LINGO2: variants seen among roughly 807,000 people sequenced by gnomAD.
The protein encoded by LINGO2 is leucine-rich repeat and immunoglobulin-like domain-containing nogo receptor-interacting protein 2.
A neutral mutation model predicts 30.6 loss-of-function variants in LINGO2; 14 were observed. That is an observed-to-expected ratio of 0.46 (90% CI 0.30 to 0.72). The LOEUF (loss-of-function observed/expected upper bound fraction) is 0.72, where lower values mean the gene tolerates loss of function less well. Among genes scored for constraint, LINGO2 ranks in the 30% least tolerant of loss-of-function variants. LINGO2 has a pLI of 0.07. For synonymous variants in LINGO2, 317 were observed against 288.5 expected (o/e 1.10, Z -1.00); for missense variants, 729 against 751.7 (o/e 0.97, Z 0.35).
chr9:28,988,904 A>G, the LINGO2 span, among the ~76,000 whole-genome samples: 2 of 152,026 alleles, frequency 1.3e-5, no homozygotes, highest in African/African-American at 4.8e-5. Flanking sequence ...AAGTATTGGG[A>G]TTTTCAAAAC....
chr9:28,953,561 C>A, the LINGO2 span, among the ~76,000 whole-genome samples: 1 of 151,978 alleles, frequency 6.6e-6, no homozygotes, highest in African/African-American at 2.4e-5. Flanking sequence ...GGGAGTGAGA[C>A]TGTTCTATAT....
intron 4 of LINGO2, among the ~76,000 whole-genome samples, chr9:28,224,251 A>G (rs1821068616): frequency 6.6e-6 from 1 of 152,134 alleles, no homozygotes; most frequent in South Asian, 2.1e-4. Flanking sequence ...TTTTTAGTAG[A>G]GACGGGGTTT....
the LINGO2 span, among the ~76,000 whole-genome samples, chr9:28,943,016 C>G: frequency 6.6e-6 from 1 of 152,112 alleles, no homozygotes; most frequent in Non-Finnish European, 1.5e-5. Flanking sequence ...CAGTGACAGA[C>G]AGAATGATAA....
chr9:29,112,953 A>C, the LINGO2 span, among the ~76,000 whole-genome samples: 2 of 152,208 alleles, frequency 1.3e-5, no homozygotes, highest in African/African-American at 4.8e-5. Context: ...ACTCTCATTA[A>C]GTGACTTGCC....
At chr9:28,795,987 C>CACAT in the LINGO2 span, among the ~76,000 whole-genome samples, 1 of 135,402 alleles carries the variant, frequency 7.4e-6, no homozygotes, top group Non-Finnish European at 1.6e-5. Flanking sequence ...ACTAGATACA[C>CACAT]ACACACACAC....
At position 28,558,463 on chromosome 9, in the gene LINGO2, C is replaced by G. The variant is rs188056747; in HGVS notation, c.-364-82438G>C. Among the ~76,000 whole-genome samples the G allele has an allele frequency of 3.9e-5, 6 of 152,118 alleles. 1 individual carries two copies. The East Asian group carries it at 1.2e-3, about 29-fold the overall frequency. Reference sequence around the variant, plus strand: ...ATCCTGTGTCCACGTGTCCTCCAGGCCAGAGAACCTGTTTTATCCTCTTTG... The same window carrying G: ...ATCCTGTGTCCACGTGTCCTCCAGGGCAGAGAACCTGTTTTATCCTCTTTG... On this transcript the variant is annotated intron_variant, in intron 1 of 5. Coordinates refer to ENST00000379992, the Ensembl canonical transcript of LINGO2.
intron 5 of LINGO2, among the ~76,000 whole-genome samples, chr9:27,981,258 T>A (rs1456051628): frequency 6.6e-6 from 1 of 151,680 alleles, no homozygotes; most frequent in Non-Finnish European, 1.5e-5. Context: ...TTTCCCATGT[T>A]TTATCTCACC....
At chr9:28,910,637 C>T in the LINGO2 span, among the ~76,000 whole-genome samples, 1 of 152,032 alleles carries the variant, frequency 6.6e-6, no homozygotes, top group African/African-American at 2.4e-5. Context: ...TGTCTCTCTT[C>T]TGCCAGCCAT....
At chr9:28,590,657 G>C (rs369376866) in intron 1 of LINGO2, among the ~76,000 whole-genome samples, 2 of 151,888 alleles carry the variant, frequency 1.3e-5, no homozygotes, top group Non-Finnish European at 2.9e-5. Flanking sequence ...GTCAGGAAAC[G>C]ACAGGTGCTG....
chr9:29,060,803 A>T, the LINGO2 span, among the ~76,000 whole-genome samples: 1 of 151,974 alleles, frequency 6.6e-6, no homozygotes, highest in African/African-American at 2.4e-5. Context: ...GAGATAAAAG[A>T]GTGAAGTTGA....
At chr9:28,208,946 C>A (rs766440716) in intron 4 of LINGO2, among the ~76,000 whole-genome samples, 9 of 151,994 alleles carry the variant, frequency 5.9e-5, no homozygotes, top group Non-Finnish European at 1.2e-4. Flanking sequence ...CTTATTAACT[C>A]TCTTCTTTGT....
rs1392348995 is a variant in LINGO2 at position 28,151,246 on chromosome 9, T to C, written c.-86-138841A>G. 1.2e-4 allele frequency among the ~76,000 whole-genome samples: 19 copies of C among 152,196 alleles called. No homozygotes were observed. The East Asian group carries it at 3.7e-3, about 29-fold the overall frequency. Reference sequence around the variant, plus strand: ...CATATTAGGAAATCAATAACTATAATTCATTATAGTAAGAGATTGATAGAA... The same window carrying C: ...CATATTAGGAAATCAATAACTATAACTCATTATAGTAAGAGATTGATAGAA... On this transcript the variant is annotated intron_variant, in intron 4 of 5. Coordinates refer to ENST00000379992, the Ensembl canonical transcript of LINGO2.
At chr9:28,525,138 C>A (rs1413884098) in intron 1 of LINGO2, among the ~76,000 whole-genome samples, 1 of 152,042 alleles carries the variant, frequency 6.6e-6, no homozygotes, top group African/African-American at 2.4e-5. Flanking sequence ...TAAGGAAATG[C>A]AAATCAAAAC....
chr9:29,023,685 A>G, the LINGO2 span, among the ~76,000 whole-genome samples: 1 of 152,146 alleles, frequency 6.6e-6, no homozygotes, highest in Non-Finnish European at 1.5e-5. Context: ...ATTTTAATCA[A>G]GAAAAAATAT....
At chr9:29,192,853 T>C in the LINGO2 span, among the ~76,000 whole-genome samples, 1 of 152,186 alleles carries the variant, frequency 6.6e-6, no homozygotes, top group South Asian at 2.1e-4. Flanking sequence ...GGATGTTGGC[T>C]GTGGGGACAA....
At chr9:28,228,915 T>C (rs1047739189) in intron 4 of LINGO2, among the ~76,000 whole-genome samples, 2 of 151,820 alleles carry the variant, frequency 1.3e-5, no homozygotes, top group Non-Finnish European at 3.0e-5. Flanking sequence ...TCAAACTTGA[T>C]TAGCATAGAA....
At chr9:28,620,054 A>C (rs980903218) in intron 1 of LINGO2, among the ~76,000 whole-genome samples, 6 of 126,828 alleles carry the variant, frequency 4.7e-5, no homozygotes, top group African/African-American at 1.6e-4. Context: ...CCATGTAACC[A>C]CACTATTTAC....
intron 1 of LINGO2, among the ~76,000 whole-genome samples, chr9:28,580,868 C>G (rs1404687844): frequency 6.6e-6 from 1 of 151,904 alleles, no homozygotes; most frequent in Admixed American, 6.6e-5. Flanking sequence ...TTTCACTTAG[C>G]AGTAGTGGGT....
chr9:28,847,704 A>C, the LINGO2 span, among the ~76,000 whole-genome samples: 148 of 139,680 alleles, frequency 1.1e-3, 12 homozygotes, highest in African/African-American at 3.8e-3. Context: ...ATATTGACAC[A>C]CTGTTATTTC....
Sources: allele counts gnomAD v4.1 joint callset (sites outside exome capture counted in the v4.1 genomes callset), GRCh38; gene constraint gnomAD v4.1.1; transcripts MANE v1.5; gene names NCBI Gene and HGNC (gene_info 2026-07-23, HGNC 2026-07-21).